Variants in PRKD1 observed in about 807,000 individuals in gnomAD.
PRKD1 encodes serine/threonine-protein kinase D1.
Under a neutral mutation model 95.9 loss-of-function variants are expected in PRKD1, and 63 were observed. The observed-to-expected ratio is 0.66, with a 90% CI of 0.54 to 0.81. PRKD1 has a LOEUF of 0.81. Among genes scored for constraint, PRKD1 ranks in the 30% least tolerant of loss-of-function variants. The probability of loss-of-function intolerance (pLI) is 0.00; values close to 1 mark genes in which losing one functional copy is unlikely to be tolerated. For missense variants in PRKD1, 1,048 were observed against 1,165.3 expected (o/e 0.90, Z 1.47); for synonymous variants, 425 against 423.1 (o/e 1.00, Z -0.05).
intron 1 of PRKD1, among the ~76,000 whole-genome samples, chr14:29,884,362 T>C (rs1042591233): frequency 6.6e-6 from 1 of 152,222 alleles, no homozygotes; most frequent in African/African-American, 2.4e-5. Context: ...TGTATACTAA[T>C]GTATTAATAT....
intron 1 of PRKD1, among the ~76,000 whole-genome samples, chr14:29,737,941 G>T (rs1476526424): frequency 6.6e-6 from 1 of 152,092 alleles, no homozygotes; most frequent in Non-Finnish European, 1.5e-5. Context: ...TCAAGGAAAA[G>T]ACAACAAATA....
chr14:29,636,172 T>G (rs888051443), intron 7 of PRKD1, 118 bp downstream of exon 7: 7 of 1,249,192 alleles, frequency 5.6e-6, no homozygotes, highest in Non-Finnish European at 8.1e-6. Context: ...TTCATTCATA[T>G]AAAAGTAAAC....
At chr14:29,750,483 A>G (rs1887424535) in intron 1 of PRKD1, among the ~76,000 whole-genome samples, 1 of 152,184 alleles carries the variant, frequency 6.6e-6, no homozygotes, top group Non-Finnish European at 1.5e-5. Context: ...AAGAAAAACA[A>G]GTAAGATATA....
intron 1 of PRKD1, among the ~76,000 whole-genome samples, chr14:29,796,119 G>T (rs1394362532): frequency 6.6e-6 from 1 of 152,070 alleles, no homozygotes; most frequent in Non-Finnish European, 1.5e-5. Context: ...GGATTACATG[G>T]TACATTGTGT....
At chr14:29,877,933 A>T (rs752493199) in intron 1 of PRKD1, among the ~76,000 whole-genome samples, 4 of 152,244 alleles carry the variant, frequency 2.6e-5, no homozygotes, top group Non-Finnish European at 5.9e-5. Flanking sequence ...GATGAGGAAC[A>T]TGAGGTACAT....
intron 1 of PRKD1, among the ~76,000 whole-genome samples, chr14:29,919,030 G>T (rs972329490): frequency 6.6e-6 from 1 of 152,172 alleles, no homozygotes; most frequent in African/African-American, 2.4e-5. Context: ...GAAGCATTCA[G>T]AAATTCCTGA....
At chr14:29,605,876 C>A (rs987628941) in intron 13 of PRKD1, among the ~76,000 whole-genome samples, 2 of 152,268 alleles carry the variant, frequency 1.3e-5, no homozygotes, top group African/African-American at 2.4e-5. Context: ...CATTTTGCAT[C>A]AAGTACGATA....
intron 2 of PRKD1, among the ~76,000 whole-genome samples, chr14:29,703,207 T>C (rs957227897): frequency 1.3e-5 from 2 of 152,172 alleles, no homozygotes; most frequent in Non-Finnish European, 2.9e-5. Flanking sequence ...TCACCTTCCA[T>C]GCAAAAACAG....
intron 2 of PRKD1, among the ~76,000 whole-genome samples, chr14:29,705,628 C>A (rs954450549): frequency 1.3e-5 from 2 of 151,996 alleles, no homozygotes; most frequent in African/African-American, 4.8e-5. Flanking sequence ...TTAGTAGTCA[C>A]GACACATTCT....
In PRKD1 at chr14:29,751,924, G is replaced by T. The variant is rs756779062; in HGVS notation, c.265-26250C>A. ...TACACATGTGTACACACAAATAAAT[G>T]GGGATATTTTCTTCCAGTATTCAAA... On this transcript the variant is annotated intron_variant, in intron 1 of 17. Coordinates refer to ENST00000331968, the MANE Select transcript of PRKD1 (RefSeq NM_002742.3). 2.6e-5 allele frequency among the ~76,000 whole-genome samples: 4 copies of T among 152,264 alleles called. No individual in the cohort carries two copies. The East Asian group carries it at 7.7e-4, about 29-fold the overall frequency.
intron 16 of PRKD1, among the ~76,000 whole-genome samples, chr14:29,592,127 T>C (rs545863055): frequency 7.9e-5 from 12 of 152,014 alleles, no homozygotes; most frequent in African/African-American, 2.9e-4. Context: ...CGGTATGAGA[T>C]AAAGTTGGAG....
intron 13 of PRKD1, among the ~76,000 whole-genome samples, chr14:29,615,312 A>G (rs1434117489): frequency 6.6e-6 from 1 of 152,250 alleles, no homozygotes; most frequent in Non-Finnish European, 1.5e-5. Context: ...AGAAAAATTA[A>G]AACAATTTTT....
chr14:29,589,619 AAAT>A (rs1566470341), intron 16 of PRKD1, among the ~76,000 whole-genome samples: 1 of 151,996 alleles, frequency 6.6e-6, no homozygotes, highest in African/African-American at 2.4e-5. Context: ...ATTTACATAT[AAAT>A]ATTATATATT....
At chr14:29,587,311 G>A (rs2138974225) in intron 16 of PRKD1, among the ~76,000 whole-genome samples, 1 of 152,254 alleles carries the variant, frequency 6.6e-6, no homozygotes, top group African/African-American at 2.4e-5. Flanking sequence ...ACAGGGGTTA[G>A]ATAAGATTTT....
At chr14:29,922,886 TAAAAA>T (rs937919605) in intron 1 of PRKD1, among the ~76,000 whole-genome samples, 7 of 151,872 alleles carry the variant, frequency 4.6e-5, no homozygotes, top group Admixed American at 4.6e-4. Context: ...AATAAAATAA[TAAAAA>T]TAAAATTAGA....
intron 13 of PRKD1, among the ~76,000 whole-genome samples, chr14:29,623,330 G>C (rs1026585247): frequency 2.6e-5 from 4 of 152,090 alleles, no homozygotes; most frequent in African/African-American, 9.7e-5. Context: ...TTTATCATAT[G>C]AAACTCAATA....
intron 13 of PRKD1, among the ~76,000 whole-genome samples, chr14:29,617,511 A>C (rs1878948094): frequency 1.3e-5 from 2 of 152,210 alleles, no homozygotes; most frequent in African/African-American, 4.8e-5. Flanking sequence ...TGCTTTTAAA[A>C]TTCCAAAATG....
At chr14:29,897,376 G>A (rs929124460) in intron 1 of PRKD1, among the ~76,000 whole-genome samples, 6 of 151,918 alleles carry the variant, frequency 3.9e-5, no homozygotes, top group South Asian at 4.1e-4. Context: ...GGGTATTACC[G>A]CACAAATAAT....
chr14:29,921,095 G>A (rs1274760246), intron 1 of PRKD1, among the ~76,000 whole-genome samples: 1 of 152,150 alleles, frequency 6.6e-6, no homozygotes, highest in Admixed American at 6.5e-5. Context: ...AAAATGAAGT[G>A]AAATACCATT....
Sources: allele counts gnomAD v4.1 joint callset (sites outside exome capture counted in the v4.1 genomes callset), GRCh38; gene constraint gnomAD v4.1.1; transcripts MANE v1.5; gene names NCBI Gene and HGNC (gene_info 2026-07-23, HGNC 2026-07-21).